EDA2R: variants seen among roughly 807,000 people sequenced by gnomAD.
The protein encoded by EDA2R is tumor necrosis factor receptor superfamily member 27.
In EDA2R, 26 loss-of-function variants were observed where a neutral mutation model predicts 20.1. That is an observed-to-expected ratio of 1.30 (90% CI 0.95 to 1.80). The LOEUF is 1.80. Ranked by LOEUF, EDA2R falls within the 40% of genes most tolerant of loss-of-function variation. EDA2R has a pLI of 0.00. For missense variants in EDA2R, 277 were observed against 228.7 expected (o/e 1.21, Z -1.36); for synonymous variants, 114 against 88.7 (o/e 1.29, Z -1.60).
At chrX:66,605,841 T>A (rs761522840) in intron 2 of EDA2R, among the ~76,000 whole-genome samples, 1 of 112,507 alleles carries the variant, frequency 8.9e-6, no homozygotes, top group Non-Finnish European at 1.9e-5. Context: ...ACTACCCACA[T>A]AAGTACTGTT....
chrX:66,611,148 C>A (rs1331051090), intron 2 of EDA2R, among the ~76,000 whole-genome samples: 1 of 111,778 alleles, frequency 8.9e-6, no homozygotes, highest in Non-Finnish European at 1.9e-5. Flanking sequence ...TACAAAGGTT[C>A]TGGAAATTAA....
At chrX:66,622,335 C>T (rs1007814798) in intron 1 of EDA2R, among the ~76,000 whole-genome samples, 1 of 111,667 alleles carries the variant, frequency 9.0e-6, no homozygotes, top group Non-Finnish European at 1.9e-5. Context: ...CAAGTTTCTG[C>T]TGGATGTGAG....
intron 1 of EDA2R, among the ~76,000 whole-genome samples, chrX:66,621,178 G>T (rs1932558571): frequency 9.0e-6 from 1 of 110,928 alleles, no homozygotes; most frequent in Admixed American, 9.6e-5. Flanking sequence ...TTGGGAGGCT[G>T]AGGCAGGAGA....
intron 1 of EDA2R, among the ~76,000 whole-genome samples, chrX:66,616,954 T>C (rs766671442): frequency 1.8e-5 from 2 of 112,398 alleles, no homozygotes; most frequent in East Asian, 5.6e-4. Context: ...CTATACAAAA[T>C]AAGACAGAGT....
chrX:66,620,599 T>C (rs1433745768), intron 1 of EDA2R, among the ~76,000 whole-genome samples: 1 of 111,150 alleles, frequency 9.0e-6, no homozygotes, highest in Non-Finnish European at 1.9e-5. Context: ...AGTAGTTGCT[T>C]AGATATAACA....
chrX:66,635,799 T>A (rs902173580), intron 1 of EDA2R, among the ~76,000 whole-genome samples: 1 of 112,568 alleles, frequency 8.9e-6, no homozygotes, highest in Admixed American at 9.4e-5. Flanking sequence ...GCCACCTGTA[T>A]AATATATATA....
intron 1 of EDA2R, among the ~76,000 whole-genome samples, chrX:66,624,216 T>A (rs1932860164): frequency 8.9e-6 from 1 of 112,035 alleles, no homozygotes; most frequent in South Asian, 3.7e-4. Context: ...CTAGGGATTG[T>A]TATCAAAAAT....
intron 1 of EDA2R, among the ~76,000 whole-genome samples, chrX:66,625,253 G>A (rs1327583558): frequency 9.0e-6 from 1 of 111,297 alleles, no homozygotes; most frequent in African/African-American, 3.3e-5. Flanking sequence ...ACAGCTGGGA[G>A]GTGGGTAACC....
At chrX:66,632,747 G>A (rs1257165016) in intron 1 of EDA2R, among the ~76,000 whole-genome samples, 1 of 111,733 alleles carries the variant, frequency 8.9e-6, no homozygotes, top group Non-Finnish European at 1.9e-5. Context: ...TTTATTTCAT[G>A]GGCATGTGAT....
At chrX:66,619,477 A>T (rs1314852279) in intron 1 of EDA2R, among the ~76,000 whole-genome samples, 1 of 111,910 alleles carries the variant, frequency 8.9e-6, no homozygotes. Flanking sequence ...ATAGCACATG[A>T]TTTTCCACAG....
intron 1 of EDA2R, among the ~76,000 whole-genome samples, chrX:66,637,343 GTTTA>G (rs1259880790): frequency 1.8e-5 from 2 of 111,464 alleles, no homozygotes; most frequent in Non-Finnish European, 3.8e-5. Context: ...TCTGCCCCTA[GTTTA>G]TCCCCCTCTT....
chrX:66,625,556 C>A (rs188217944), intron 1 of EDA2R, among the ~76,000 whole-genome samples: 82 of 111,304 alleles, frequency 7.4e-4, no homozygotes, highest in Admixed American at 3.2e-3. Flanking sequence ...GCTCTACCCC[C>A]ACCTGATGGG....
rs1455587512 is a variant in EDA2R at position 66,616,132 on chromosome X, G to T, written c.-10-102C>A. The T allele has an allele frequency of 2.9e-5, 15 of 525,149 alleles. 1 individual carries two copies. The highest frequency in any genetic ancestry group is 3.0e-5 in the Non-Finnish European group (9 of 303,154). 43.3% of individuals were successfully genotyped at this position (525,149 alleles called of 1,213,427 possible). On this transcript the variant is annotated intron_variant, in intron 1 of 6. Transcript: ENST00000374719. The stretch of plus-strand genomic sequence containing the variant: ...CTGGGTCCCCTTAATCTATTCTCTA[G>T]ATCTGAGATAGTAGGGACGAGGAAG...
intron 1 of EDA2R, among the ~76,000 whole-genome samples, chrX:66,624,663 A>G (rs1225306017): frequency 2.4e-4 from 27 of 111,779 alleles, no homozygotes; most frequent in Non-Finnish European, 5.6e-5. Context: ...CTAGATTGCA[A>G]TTCCAACTCA....
intron 1 of EDA2R, among the ~76,000 whole-genome samples, chrX:66,632,461 G>A (rs1285769839): frequency 1.8e-5 from 2 of 108,263 alleles, no homozygotes; most frequent in Non-Finnish European, 3.8e-5. Context: ...GGAGGAGGGT[G>A]AGGAGGAGGA....
intron 1 of EDA2R, among the ~76,000 whole-genome samples, chrX:66,620,077 T>C (rs754813511): frequency 2.7e-5 from 3 of 111,609 alleles, no homozygotes; most frequent in South Asian, 7.6e-4. Flanking sequence ...TCCTTGAAAT[T>C]CACATAAATT....
At chrX:66,603,897 T>G (rs1929129123) in intron 4 of EDA2R, among the ~76,000 whole-genome samples, 1 of 112,287 alleles carries the variant, frequency 8.9e-6, no homozygotes, top group African/African-American at 3.2e-5. Context: ...TCTACATGTT[T>G]GAAAACTTTC....
intron 1 of EDA2R, among the ~76,000 whole-genome samples, chrX:66,637,122 G>A (rs193181161): frequency 2.7e-5 from 3 of 112,041 alleles, no homozygotes; most frequent in East Asian, 5.6e-4. Flanking sequence ...TTTCTATTGC[G>A]TTATCCACAG....
At chrX:66,607,503 A>G (rs1392871310) in intron 2 of EDA2R, among the ~76,000 whole-genome samples, 2 of 111,141 alleles carry the variant, frequency 1.8e-5, no homozygotes, top group African/African-American at 6.5e-5. Context: ...GGTCCCAGCT[A>G]CTCAGGTGGC....
Sources: gnomAD v4.1 joint callset for allele counts (sites outside exome capture counted in the v4.1 genomes callset) on GRCh38, gnomAD v4.1.1 for gene constraint, MANE v1.5 for transcripts, NCBI Gene and HGNC (gene_info 2026-07-23, HGNC 2026-07-21) for gene names.